MARCHF4: variants seen among roughly 807,000 people sequenced by gnomAD.
The protein encoded by MARCHF4 is membrane associated ring-CH-type finger 4, also known as E3 ubiquitin-protein ligase MARCHF4.
Under a neutral mutation model 43.9 loss-of-function variants are expected in MARCHF4, and 14 were observed. That is an observed-to-expected ratio of 0.32 (90% CI 0.21 to 0.50). The LOEUF is 0.50. Among genes scored for constraint, MARCHF4 ranks in the 20% least tolerant of loss-of-function variants. The pLI, the probability that MARCHF4 is intolerant of heterozygous loss-of-function variation, is 0.98. For missense variants in MARCHF4, 468 were observed against 536.7 expected (o/e 0.87, Z 1.27); for synonymous variants, 226 against 213.3 (o/e 1.06, Z -0.52).
chr2:216,308,883 C>A (rs952988997), intron 1 of MARCHF4, among the ~76,000 whole-genome samples: 5 of 152,186 alleles, frequency 3.3e-5, no homozygotes, highest in African/African-American at 1.2e-4. Context: ...CCCTGTTCCC[C>A]TTTTTTTCCT....
intron 1 of MARCHF4, among the ~76,000 whole-genome samples, chr2:216,318,803 C>G (rs1166882443): frequency 6.6e-6 from 1 of 152,016 alleles, no homozygotes; most frequent in Non-Finnish European, 1.5e-5. Flanking sequence ...TTTTCCTCAC[C>G]CCCAAACTTT....
At chr2:216,369,703 G>C (rs1440272765) in intron 1 of MARCHF4, 42 bp downstream of exon 1, 1 of 1,504,466 alleles carries the variant, frequency 6.6e-7, no homozygotes, top group Non-Finnish European at 9.0e-7. Context: ...TGCAAGACCT[G>C]AAAATACCAC....
intron 3 of MARCHF4, among the ~76,000 whole-genome samples, chr2:216,263,457 GAGAA>G (rs1313373678): frequency 1.6e-4 from 12 of 73,162 alleles, no homozygotes; most frequent in Non-Finnish European, 2.8e-4. Context: ...GAGAGAGAGA[GAGAA>G]AGAAAGAGAA....
At chr2:216,339,222 G>T (rs1280517266) in intron 1 of MARCHF4, among the ~76,000 whole-genome samples, 1 of 152,156 alleles carries the variant, frequency 6.6e-6, no homozygotes, top group Non-Finnish European at 1.5e-5. Flanking sequence ...TGTCATTCTA[G>T]GCATCTATGG....
chr2:216,346,500 T>C (rs191727074), intron 1 of MARCHF4, among the ~76,000 whole-genome samples: 11 of 152,308 alleles, frequency 7.2e-5, no homozygotes, highest in Admixed American at 6.5e-4. Flanking sequence ...TAGAGGGGAA[T>C]ACAGAGTGAT....
At chr2:216,344,444 A>G (rs1385671238) in intron 1 of MARCHF4, among the ~76,000 whole-genome samples, 6 of 152,122 alleles carry the variant, frequency 3.9e-5, no homozygotes, top group Non-Finnish European at 8.8e-5. Context: ...CTAAGACTTC[A>G]CCAGAAGCAG....
At position 216,364,358 on chromosome 2, in the gene MARCHF4, A is replaced by G. The variant is rs57672642; in HGVS notation, c.516+5387T>C. Among the ~76,000 whole-genome samples the G allele has an allele frequency of 5.5e-3, 841 of 152,166 alleles. 6 individuals carry two copies. The highest frequency in any genetic ancestry group is 0.019 in the African/African-American group (805 of 41,496). The stretch of plus-strand genomic sequence containing the variant: ...GCCAATGATCTAACAATGAATGAAC[A>G]CACACAGTTCACTTCTTCCAGGGAT... On this transcript the variant is annotated intron_variant, in intron 1 of 3. Transcript: ENST00000273067.
At chr2:216,271,323 T>C (rs1453075296) in intron 3 of MARCHF4, among the ~76,000 whole-genome samples, 1 of 152,202 alleles carries the variant, frequency 6.6e-6, no homozygotes, top group East Asian at 1.9e-4. Flanking sequence ...GAAATACTCT[T>C]TCCCCCTCTT....
chr2:216,323,585 T>C (rs1019350643), intron 1 of MARCHF4, among the ~76,000 whole-genome samples: 1 of 152,108 alleles, frequency 6.6e-6, no homozygotes, highest in Non-Finnish European at 1.5e-5. Flanking sequence ...TCAGCAAATG[T>C]AAAAGAACAC....
At chr2:216,354,912 TTTCTTTCTTTC>T (rs1559106534) in intron 1 of MARCHF4, among the ~76,000 whole-genome samples, 3 of 90,554 alleles carry the variant, frequency 3.3e-5, no homozygotes, top group Admixed American at 1.2e-4. Flanking sequence ...TCTTTCTTTC[TTTCTTTCTTTC>T]TTTCTTTCTT....
intron 1 of MARCHF4, among the ~76,000 whole-genome samples, chr2:216,286,051 AG>A (rs1559089911): frequency 1.3e-5 from 2 of 152,046 alleles, no homozygotes; most frequent in Non-Finnish European, 2.9e-5. Context: ...GGCTCATGGG[AG>A]CCCCCTGAGC....
intron 1 of MARCHF4, among the ~76,000 whole-genome samples, chr2:216,289,608 C>G (rs1335547162): frequency 3.3e-5 from 5 of 152,204 alleles, no homozygotes; most frequent in Non-Finnish European, 7.3e-5. Context: ...TTTTTCACAT[C>G]TTTCAGTCTG....
At chr2:216,310,121 G>C (rs544366358) in intron 1 of MARCHF4, among the ~76,000 whole-genome samples, 7 of 152,090 alleles carry the variant, frequency 4.6e-5, no homozygotes, top group Non-Finnish European at 1.0e-4. Context: ...CACCTACCCA[G>C]TGCAATCACT....
intron 1 of MARCHF4, among the ~76,000 whole-genome samples, chr2:216,339,874 C>G (rs1377810170): frequency 1.3e-5 from 2 of 152,060 alleles, no homozygotes; most frequent in African/African-American, 4.8e-5. Context: ...CATGGAGCCT[C>G]GGGGGACTTA....
intron 1 of MARCHF4, among the ~76,000 whole-genome samples, chr2:216,295,887 C>T (rs1400514498): frequency 6.6e-6 from 1 of 152,238 alleles, no homozygotes; most frequent in Non-Finnish European, 1.5e-5. Context: ...GTGGCTCACG[C>T]CTGTAATTCC....
intron 1 of MARCHF4, among the ~76,000 whole-genome samples, chr2:216,358,063 A>G (rs1692526353): frequency 6.6e-6 from 1 of 152,190 alleles, no homozygotes; most frequent in Non-Finnish European, 1.5e-5. Context: ...TATGTTTGTG[A>G]TTTTATTGTA....
rs1490581325 is a variant in MARCHF4, at chr2:216,371,691, G to C, written c.-1431C>G. 1 of 152,536 alleles carries C rather than the reference G, an allele frequency of 6.6e-6. No individual in the cohort carries two copies. The highest frequency in any genetic ancestry group is 1.5e-5 in the Non-Finnish European group (1 of 68,292). 9.4% of individuals were successfully genotyped at this position (152,536 alleles called of 1,614,324 possible). ...ATGCAACCAGAGGCGAGGCCGGCGT[G>C]GGGGTGGGGGCGGCTGGGGAGTGAG... On this transcript the variant is annotated 5_prime_UTR_variant, in exon 1 of 4. Transcript: ENST00000273067.
chr2:216,270,984 T>C (rs1046650480), intron 3 of MARCHF4, among the ~76,000 whole-genome samples: 1 of 152,236 alleles, frequency 6.6e-6, no homozygotes, highest in African/African-American at 2.4e-5. Flanking sequence ...ATTCTCTCCA[T>C]AGTTGCTAGA....
chr2:216,266,551 A>C (rs532769385), intron 3 of MARCHF4, among the ~76,000 whole-genome samples: 2 of 152,310 alleles, frequency 1.3e-5, no homozygotes, highest in South Asian at 2.1e-4. Flanking sequence ...TCTAGAGACC[A>C]AATGATTCTC....
Sources: gnomAD v4.1 joint callset for allele counts (sites outside exome capture counted in the v4.1 genomes callset) on GRCh38, gnomAD v4.1.1 for gene constraint, MANE v1.5 for transcripts, NCBI Gene and HGNC (gene_info 2026-07-23, HGNC 2026-07-21) for gene names.